The following PELO variants were observed in gnomAD, a reference collection of about 807,000 sequenced individuals.
The protein encoded by PELO is protein pelota homolog.
A neutral mutation model predicts 25.9 loss-of-function variants in PELO; 19 were observed. The ratio of observed to expected loss-of-function variants is 0.73; its 90% CI spans 0.51 to 1.08. The LOEUF is 1.08. PELO is among the 50% of genes least tolerant of loss of function. The pLI, the probability that PELO is intolerant of heterozygous loss-of-function variation, is 0.00. For missense variants in PELO, 498 were observed against 491.4 expected (o/e 1.01, Z -0.13); for synonymous variants, 196 against 192.2 (o/e 1.02, Z -0.16).
chr5:52,790,368 C>G (rs1483613191), intron 1 of PELO, among the ~76,000 whole-genome samples: 1 of 152,230 alleles, frequency 6.6e-6, no homozygotes, highest in African/African-American at 2.4e-5. Flanking sequence ...TTTCTTATTG[C>G]TGTTGTAACA....
In PELO at chr5:52,800,332, C is replaced by T; in HGVS notation, c.-63C>T. On this transcript the variant is annotated 5_prime_UTR_variant, in exon 2 of 3. Transcript: ENST00000274311. ...CTGGCCTGCATTCCCATCCCCTCTC[C>T]CGGGGCGGAGGTGAGGACCTCCTTG... 2 of 1,589,988 alleles carry T rather than the reference C, an allele frequency of 1.3e-6. No individual in the cohort carries two copies. Among genetic ancestry groups the T allele is most frequent in the Admixed American group, 3.4e-5 (2 of 58,900 alleles).
At chr5:52,798,308 C>T (rs1156597056) in intron 1 of PELO, among the ~76,000 whole-genome samples, 3 of 152,014 alleles carry the variant, frequency 2.0e-5, no homozygotes, top group Non-Finnish European at 4.4e-5. Context: ...GAGCGAGAAA[C>T]AAAGAGAAAA....
At chr5:52,794,500 TACACACACACACACAC>T (rs56996823) in intron 1 of PELO, among the ~76,000 whole-genome samples, 1 of 141,832 alleles carries the variant, frequency 7.1e-6, no homozygotes, top group African/African-American at 2.6e-5. Flanking sequence ...CAAATAGAAA[TACACACACACACACAC>T]ACACACACAC....
Position 52,802,513 on chromosome 5 carries a change from C to T in PELO, c.*673C>T, listed in dbSNP as rs952785734. ...GGTAACTTAAATCAGTTATTTTTAG[C>T]TTTTTAGAACTTTGATCTGCTAGGG... On this transcript the variant is annotated 3_prime_UTR_variant, in exon 3 of 3. Coordinates refer to ENST00000274311, the MANE Select transcript of PELO (RefSeq NM_015946.5). The T allele has an allele frequency of 6.6e-6, 1 of 152,006 alleles. No homozygotes were observed. Among genetic ancestry groups the T allele is most frequent in the African/African-American group, 2.4e-5 (1 of 41,382 alleles). The allele number at this position is 152,006 out of a possible 1,614,324, so 9.4% of individuals were successfully genotyped here. A position where few individuals can be genotyped will look rare whatever the true frequency, so the allele number is the denominator to read the frequency against.
At chr5:52,789,718 C>T (rs142296558) in intron 1 of PELO, among the ~76,000 whole-genome samples, 1 of 152,296 alleles carries the variant, frequency 6.6e-6, no homozygotes, top group African/African-American at 2.4e-5. Flanking sequence ...TCTTCTCCAA[C>T]TCAAATTTTT....
rs1748489012 is a variant in PELO at position 52,801,656 on chromosome 5, C to T, written c.974C>T (p.Thr325Ile). The T allele has an allele frequency of 3.7e-6, 6 of 1,614,046 alleles. No individual in the cohort carries two copies. The highest frequency in any genetic ancestry group is 5.1e-6 in the Non-Finnish European group (6 of 1,180,028). The change falls in exon 3 of 3, where the codon ACA becomes ATA. Residue 325 changes from threonine (T) to isoleucine (I), a missense_variant. Thr to Ile is a moderately conservative substitution (Grantham distance 89). Transcript: ENST00000274311. ...CTCTTCAGGCATCAGGATGTAGCCA[C>T]ACGGAGCCGGTATGTGAGGCTGGTG... ...DELFRHQDVA[T>I]RSRYVRLVDS...
chr5:52,792,238 C>A (rs1393352478), intron 1 of PELO, among the ~76,000 whole-genome samples: 1 of 152,116 alleles, frequency 6.6e-6, no homozygotes, highest in African/African-American at 2.4e-5. Flanking sequence ...ATTTCCTATT[C>A]AAAATGAAAT....
intron 1 of PELO, among the ~76,000 whole-genome samples, chr5:52,788,730 G>A (rs1004861739): frequency 6.6e-6 from 1 of 152,178 alleles, no homozygotes; most frequent in African/African-American, 2.4e-5. Flanking sequence ...TTAGGACTTT[G>A]CTGAATATTT....
At position 52,800,375 on chromosome 5, in the gene PELO, A is replaced by T; in HGVS notation, c.-20A>T. On this transcript the variant is annotated 5_prime_UTR_variant, in exon 2 of 3. Coordinates refer to ENST00000274311, the MANE Select transcript of PELO (RefSeq NM_015946.5). The stretch of plus-strand genomic sequence containing the variant: ...CCTCCTTGGTTCCTTTGGTTCTGTC[A>T]GTGAGCCCCTTCCTTGGCCATGAAG... The T allele has an allele frequency of 6.2e-7, 1 of 1,613,194 alleles. No homozygotes were observed.
At chr5:52,789,677 C>T (rs1028996790) in intron 1 of PELO, among the ~76,000 whole-genome samples, 1 of 152,182 alleles carries the variant, frequency 6.6e-6, no homozygotes, top group African/African-American at 2.4e-5. Flanking sequence ...CAGCTACTGC[C>T]ACTACTTTTT....
chr5:52,793,855 C>T (rs1171345789), intron 1 of PELO, among the ~76,000 whole-genome samples: 1 of 152,006 alleles, frequency 6.6e-6, no homozygotes, highest in Non-Finnish European at 1.5e-5. Context: ...ATAAAGTAAT[C>T]ATATAATGTT....
rs1748503952 is a variant in PELO at position 52,802,225 on chromosome 5, ATC to A, written c.*386_*387del. Reference sequence around the variant, plus strand: ...CCTTAGAAAAAGCTTTTGCTATCTTATCCTGTTTACATTATTTCTTTATTTTA... The same window carrying A: ...CCTTAGAAAAAGCTTTTGCTATCTTACTGTTTACATTATTTCTTTATTTTA... On this transcript the variant is annotated 3_prime_UTR_variant, in exon 3 of 3. Transcript: ENST00000274311. 1 of 162,784 alleles carries A rather than the reference ATC, an allele frequency of 6.1e-6. No homozygotes were observed. Among genetic ancestry groups the A allele is most frequent in the Non-Finnish European group, 1.3e-5 (1 of 74,618 alleles). The allele number at this position is 162,784 out of a possible 1,614,324, so 10.1% of individuals were successfully genotyped here. A position where few individuals can be genotyped will look rare whatever the true frequency, so the allele number is the denominator to read the frequency against.
chr5:52,800,659 C>T lies in PELO; in HGVS notation c.265C>T (p.Gln89Ter). 1 of 1,614,144 alleles carries T rather than the reference C, an allele frequency of 6.2e-7. No homozygotes were observed. Among genetic ancestry groups the T allele is most frequent in the Non-Finnish European group, 8.5e-7 (1 of 1,180,030 alleles). The change falls in exon 2 of 3, where the codon CAA becomes TAA. Residue 89 changes from glutamine (Q) to a stop codon, truncating the protein, a stop_gained. Transcript: ENST00000274311. LOFTEE classifies it high-confidence loss of function. ...GCTGCGGGTTAAGGGGACCAACATCCAAGAGAATGAGTATGTCAAGATGGG... is the reference window on the plus strand; with the variant it reads ...GCTGCGGGTTAAGGGGACCAACATCTAAGAGAATGAGTATGTCAAGATGGG... ...CQLRVKGTNI[Q>*]ENEYVKMGAY...
rs750916684 is a variant in PELO at position 52,801,093 on chromosome 5, C to T, written c.699C>T (p.Leu233=). 3.7e-6 allele frequency: 6 copies of T among 1,605,830 alleles called. No individual in the cohort carries two copies. The African/African-American group carries it at 8.0e-5, about 22-fold the overall frequency. ...CAGTGAAGACCGACAACAAACTGCTCCTGGAAAACCGGTCCAAATTTCTTC... is the reference window on the plus strand; with the variant it reads ...CAGTGAAGACCGACAACAAACTGCTTCTGGAAAACCGGTCCAAATTTCTTC... The part of the protein sequence containing the change: ...QQAVKTDNKL[L]LENRSKFLQV... The change falls in exon 2 of 3, where the codon CTC becomes CTT. Residue 233 remains leucine, a synonymous_variant. Coordinates refer to ENST00000274311, the MANE Select transcript of PELO (RefSeq NM_015946.5).
rs987416064 is a variant in PELO at position 52,803,752 on chromosome 5, T to C, written c.*1912T>C. Reference sequence around the variant, plus strand: ...AACCAGCAGCATCCCTGAGAGCTTGTTGGAAACTAGAATTCAGGGATCTTT... The same window carrying C: ...AACCAGCAGCATCCCTGAGAGCTTGCTGGAAACTAGAATTCAGGGATCTTT... On this transcript the variant is annotated 3_prime_UTR_variant, in exon 3 of 3. Transcript: ENST00000274311. 1 of 152,192 alleles carries C rather than the reference T, an allele frequency of 6.6e-6. No individual in the cohort carries two copies. The highest frequency in any genetic ancestry group is 6.5e-5 in the Admixed American group (1 of 15,280). The allele number at this position is 152,192 out of a possible 1,614,324, so 9.4% of individuals were successfully genotyped here.
chr5:52,793,565 A>T (rs893334785), intron 1 of PELO, among the ~76,000 whole-genome samples: 1 of 152,098 alleles, frequency 6.6e-6, no homozygotes, highest in Non-Finnish European at 1.5e-5. Context: ...TGAAAATTAC[A>T]ATCAATAATA....
Position 52,800,682 on chromosome 5 carries a change from G to A in PELO, c.288G>A (p.Met96Ile), listed in dbSNP as rs1748456256. ...TNIQENEYVK[M>I]GAYHTIELEP... ...TCCAAGAGAATGAGTATGTCAAGATGGGGGCTTACCACACCATCGAGCTGG... is the reference window on the plus strand; with the variant it reads ...TCCAAGAGAATGAGTATGTCAAGATAGGGGCTTACCACACCATCGAGCTGG... The change falls in exon 2 of 3, where the codon ATG becomes ATA. Residue 96 changes from methionine to isoleucine, a missense_variant. Met to Ile is a conservative substitution (Grantham distance 10). Transcript: ENST00000274311. 1 of 1,614,044 alleles carries A rather than the reference G, an allele frequency of 6.2e-7. No homozygotes were observed. The highest frequency in any genetic ancestry group is 8.5e-7 in the Non-Finnish European group (1 of 1,180,022).
Position 52,800,358 on chromosome 5 carries a change from G to A in PELO, c.-37G>A. 1 of 1,611,962 alleles carries A rather than the reference G, an allele frequency of 6.2e-7. No homozygotes were observed. Among genetic ancestry groups the A allele is most frequent in the Non-Finnish European group, 8.5e-7 (1 of 1,179,566 alleles). ...CGGGGCGGAGGTGAGGACCTCCTTG[G>A]TTCCTTTGGTTCTGTCAGTGAGCCC... On this transcript the variant is annotated 5_prime_UTR_variant, in exon 2 of 3. Coordinates refer to ENST00000274311, the MANE Select transcript of PELO (RefSeq NM_015946.5).
At chr5:52,796,277 G>A (rs1561210049) in intron 1 of PELO, among the ~76,000 whole-genome samples, 1 of 151,732 alleles carries the variant, frequency 6.6e-6, no homozygotes. Context: ...AGTGTCTCAA[G>A]AGCAACAAAT....
Sources: allele counts gnomAD v4.1 joint callset (sites outside exome capture counted in the v4.1 genomes callset), GRCh38; gene constraint gnomAD v4.1.1; transcripts MANE v1.5; gene names NCBI Gene and HGNC (gene_info 2026-07-23, HGNC 2026-07-21).